The following HCN1 variants were observed in gnomAD, a reference collection of about 807,000 sequenced individuals.
HCN1 encodes hyperpolarization activated cyclic nucleotide gated potassium channel 1.
In HCN1, 13 loss-of-function variants were observed where a neutral mutation model predicts 78.9. That is an observed-to-expected ratio of 0.16 (90% CI 0.11 to 0.26). The LOEUF is 0.26. Among genes scored for constraint, HCN1 ranks in the 10% least tolerant of loss-of-function variants. The pLI, the probability that HCN1 is intolerant of heterozygous loss-of-function variation, is 1.00. For missense variants in HCN1, 810 were observed against 1,154.3 expected (o/e 0.70, Z 4.32); for synonymous variants, 552 against 455.5 (o/e 1.21, Z -2.70).
At chr5:45,285,467 G>T (rs1210642720) in intron 6 of HCN1, among the ~76,000 whole-genome samples, 3 of 151,794 alleles carry the variant, frequency 2.0e-5, no homozygotes, top group Non-Finnish European at 4.4e-5. Context: ...GTATTTCTGA[G>T]GTCCTATAGA....
intron 3 of HCN1, among the ~76,000 whole-genome samples, chr5:45,402,037 A>G (rs1186007698): frequency 6.6e-6 from 1 of 152,124 alleles, no homozygotes; most frequent in Non-Finnish European, 1.5e-5. Flanking sequence ...GAGTAGGAGT[A>G]TTTGGAGGCT....
intron 5 of HCN1, among the ~76,000 whole-genome samples, chr5:45,320,537 TG>T (rs1285154235): frequency 3.3e-5 from 5 of 151,862 alleles, no homozygotes; most frequent in Admixed American, 6.6e-5. Context: ...TGCCCCATTT[TG>T]TAGATGTTAT....
Position 45,262,021 on chromosome 5 carries a change from G to C in HCN1, c.2573C>G (p.Pro858Arg). 1 of 1,614,092 alleles carries C rather than the reference G, an allele frequency of 6.2e-7. No individual in the cohort carries two copies. The highest frequency in any genetic ancestry group is 8.5e-7 in the Non-Finnish European group (1 of 1,180,012). ...GAIPPNRGVP[P>R]APPPPAAALP... Reference sequence around the variant, plus strand: ...AGCAGCTGCTGGTGGAGGGGGTGCTGGAGGGACTCCTCGGTTCGGGGGGAT... The same window carrying C: ...AGCAGCTGCTGGTGGAGGGGGTGCTCGAGGGACTCCTCGGTTCGGGGGGAT... Residue 858 changes from proline to arginine, a missense_variant, in exon 8 of 8, where the codon CCA (proline) becomes CGA (arginine). Physicochemically the swap from Pro to Arg is moderately radical, Grantham distance 103. Transcript: ENST00000303230.
intron 5 of HCN1, among the ~76,000 whole-genome samples, chr5:45,347,868 A>C (rs1396950100): frequency 1.3e-5 from 2 of 152,242 alleles, no homozygotes; most frequent in African/African-American, 4.8e-5. Flanking sequence ...GATTATATGA[A>C]AAGACCAAAT....
In HCN1 at chr5:45,505,753, A is replaced by C. The variant is rs955865245; in HGVS notation, c.850-43746T>G. On this transcript the variant is annotated intron_variant, in intron 2 of 7. Transcript: ENST00000303230. ...AGTTTATTAATATTTTTCATATATAAATATACATGCATATAGGTATATGTA... is the reference window on the plus strand; with the variant it reads ...AGTTTATTAATATTTTTCATATATACATATACATGCATATAGGTATATGTA... 5.3e-5 allele frequency among the ~76,000 whole-genome samples: 8 copies of C among 152,274 alleles called. No homozygotes were observed. The East Asian group carries it at 1.5e-3, about 29-fold the overall frequency.
chr5:45,646,544 A>AAC (rs1745554056), intron 1 of HCN1, among the ~76,000 whole-genome samples: 1 of 151,536 alleles, frequency 6.6e-6, no homozygotes, highest in African/African-American at 2.4e-5. Context: ...GCTAAAAAAA[A>AAC]ATCTTTAACA....
chr5:45,420,949 G>C (rs962054581), intron 3 of HCN1, among the ~76,000 whole-genome samples: 1 of 152,184 alleles, frequency 6.6e-6, no homozygotes, highest in Admixed American at 6.5e-5. Flanking sequence ...CTTACAGTTA[G>C]ATACCCAAGA....
At chr5:45,672,822 T>A (rs1037361775) in intron 1 of HCN1, among the ~76,000 whole-genome samples, 9 of 151,534 alleles carry the variant, frequency 5.9e-5, no homozygotes, top group Non-Finnish European at 8.9e-5. Flanking sequence ...TCTTTTTTTT[T>A]AAATAAACCT....
chr5:45,413,526 T>C (rs1356447247), intron 3 of HCN1, among the ~76,000 whole-genome samples: 3 of 152,088 alleles, frequency 2.0e-5, no homozygotes, highest in Admixed American at 6.6e-5. Context: ...AGATTTGTTT[T>C]TGGTTATGTA....
rs1026199862 is a variant in HCN1 at position 45,256,869 on chromosome 5, C to G, written c.*5052G>C. On this transcript the variant is annotated 3_prime_UTR_variant, in exon 8 of 8. Coordinates refer to ENST00000303230, the MANE Select transcript of HCN1 (RefSeq NM_021072.4). Reference sequence around the variant, plus strand: ...GGATTACAGGCATGAGCCACCACGCCTGGCCTGAGAACTTGCTTTATTTTA... The same window carrying G: ...GGATTACAGGCATGAGCCACCACGCGTGGCCTGAGAACTTGCTTTATTTTA... 6.6e-6 allele frequency: 1 copy of G among 152,648 alleles called. No individual in the cohort carries two copies. The highest frequency in any genetic ancestry group is 1.9e-4 in the East Asian group (1 of 5,200). 9.5% of individuals were successfully genotyped at this position (152,648 alleles called of 1,614,324 possible).
intron 2 of HCN1, among the ~76,000 whole-genome samples, chr5:45,631,731 A>G (rs1745272453): frequency 6.6e-6 from 1 of 152,158 alleles, no homozygotes; most frequent in Admixed American, 6.6e-5. Flanking sequence ...TAACAATAAC[A>G]TTCTTTGCAT....
At chr5:45,542,027 GATTA>G (rs951973817) in intron 2 of HCN1, among the ~76,000 whole-genome samples, 51 of 152,024 alleles carry the variant, frequency 3.4e-4, no homozygotes, top group African/African-American at 1.2e-3. Flanking sequence ...CCATAACATA[GATTA>G]ATTAATTAAT....
intron 2 of HCN1, among the ~76,000 whole-genome samples, chr5:45,476,397 T>A (rs985173716): frequency 6.6e-6 from 1 of 152,228 alleles, no homozygotes; most frequent in East Asian, 1.9e-4. Flanking sequence ...CTGTAAGAAA[T>A]CACTATCTGT....
At chr5:45,318,164 C>G (rs187214278) in intron 5 of HCN1, among the ~76,000 whole-genome samples, 2 of 152,178 alleles carry the variant, frequency 1.3e-5, no homozygotes, top group Admixed American at 1.3e-4. Context: ...TGGAAACAAC[C>G]CAAACGTCCA....
chr5:45,686,657 ATTTAC>A (rs1739815354), intron 1 of HCN1, among the ~76,000 whole-genome samples: 1 of 152,120 alleles, frequency 6.6e-6, no homozygotes, highest in Non-Finnish European at 1.5e-5. Context: ...TCTTTTGTTT[ATTTAC>A]TTGTCTCCAA....
intron 2 of HCN1, among the ~76,000 whole-genome samples, chr5:45,616,605 C>T (rs761677445): frequency 1.3e-5 from 2 of 151,886 alleles, no homozygotes; most frequent in African/African-American, 2.4e-5. Flanking sequence ...AAGTTGGCCA[C>T]AAAATTTAAG....
intron 2 of HCN1, among the ~76,000 whole-genome samples, chr5:45,640,999 A>G (rs188764697): frequency 6.6e-6 from 1 of 152,260 alleles, no homozygotes; most frequent in Admixed American, 6.5e-5. Context: ...TGAAGTGACA[A>G]TGGTGAGACC....
chr5:45,291,399 C>A (rs1408344868), intron 6 of HCN1, among the ~76,000 whole-genome samples: 2 of 152,008 alleles, frequency 1.3e-5, no homozygotes, highest in Non-Finnish European at 2.9e-5. Context: ...ATCTTTCAAC[C>A]TATCTCTCTG....
intron 2 of HCN1, among the ~76,000 whole-genome samples, chr5:45,467,978 G>T (rs922159172): frequency 1.3e-5 from 2 of 151,986 alleles, no homozygotes; most frequent in African/African-American, 4.8e-5. Context: ...CTGCCTTACA[G>T]GGTAAAACAA....
Sources: allele counts gnomAD v4.1 joint callset (sites outside exome capture counted in the v4.1 genomes callset), GRCh38; gene constraint gnomAD v4.1.1; transcripts MANE v1.5; gene names NCBI Gene and HGNC (gene_info 2026-07-23, HGNC 2026-07-21).